MAP2: variants seen among roughly 807,000 people sequenced by gnomAD.
MAP2 encodes microtubule associated protein 2.
Under a neutral mutation model 137.6 loss-of-function variants are expected in MAP2, and 14 were observed. The ratio of observed to expected loss-of-function variants is 0.10; its 90% CI spans 0.07 to 0.16. MAP2 has a LOEUF of 0.16. MAP2 is among the 10% of genes least tolerant of loss of function. The probability of loss-of-function intolerance (pLI) is 1.00; values close to 1 mark genes in which losing one functional copy is unlikely to be tolerated. For synonymous variants in MAP2, 786 were observed against 782.3 expected, an observed-to-expected ratio of 1.00 and a Z score of -0.08; for missense variants, 2,088 against 2,191.5, an observed-to-expected ratio of 0.95 and a Z score of 0.94.
At chr2:209,468,167 G>A (rs946995418) in intron 1 of MAP2, among the ~76,000 whole-genome samples, 5 of 151,320 alleles carry the variant, frequency 3.3e-5, no homozygotes, top group African/African-American at 7.3e-5. Context: ...CTTTCATCTC[G>A]GTAGTTGACT....
chr2:209,449,087 A>G (rs1319253064), intron 1 of MAP2, among the ~76,000 whole-genome samples: 1 of 152,184 alleles, frequency 6.6e-6, no homozygotes, highest in Non-Finnish European at 1.5e-5. Context: ...GACTTCGCAC[A>G]TGATTTTTTT....
chr2:209,445,611 G>A (rs553830563), intron 1 of MAP2, among the ~76,000 whole-genome samples: 2 of 151,736 alleles, frequency 1.3e-5, no homozygotes, highest in Non-Finnish European at 3.0e-5. Context: ...TGTATTAAGA[G>A]TAAGATGTCA....
intron 2 of MAP2, among the ~76,000 whole-genome samples, chr2:209,546,241 T>C (rs1416765145): frequency 6.6e-6 from 1 of 152,260 alleles, no homozygotes; most frequent in Non-Finnish European, 1.5e-5. Context: ...TGTTTTTATA[T>C]ATACACATAT....
chr2:209,635,688 T>C (rs754997816), intron 4 of MAP2, among the ~76,000 whole-genome samples: 12 of 152,134 alleles, frequency 7.9e-5, no homozygotes, highest in Non-Finnish European at 1.8e-4. Flanking sequence ...GCTAAAAAAA[T>C]TCTATAATTG....
chr2:209,453,426 A>G (rs1176956341), intron 1 of MAP2, among the ~76,000 whole-genome samples: 13 of 152,236 alleles, frequency 8.5e-5, no homozygotes, highest in Admixed American at 8.5e-4. Flanking sequence ...ATAAAATATC[A>G]GATTCTACCC....
At position 209,694,358 on chromosome 2, in the gene MAP2, G is replaced by A. The variant is rs201346969; in HGVS notation, c.2188G>A (p.Asp730Asn). 98 of 1,613,864 alleles carry A rather than the reference G, an allele frequency of 6.1e-5. No individual in the cohort carries two copies. The highest frequency in any genetic ancestry group is 7.8e-5 in the Non-Finnish European group (92 of 1,179,980). Residue 730 changes from aspartate to asparagine, a missense_variant, in exon 8 of 16, where the codon GAT (aspartate) becomes AAT (asparagine). Coordinates refer to ENST00000682079, the MANE Select transcript of MAP2 (RefSeq NM_001375505.1). ...ACATGATCTTTCTCCTCTGGCTTCC[G>A]ATATTCTAACCAACACTAGTGGAAG... ...RGHDLSPLAS[D>N]ILTNTSGSMD...
Position 209,694,248 on chromosome 2 carries a change from C to T in MAP2, c.2078C>T (p.Ser693Phe). ...AGGAGTTTAGGACTTGGTGGTAGGT[C>T]TGCAATAGAACAAAGAAGCATGTCA... Reference protein sequence around the residue: ...LSRSLGLGGRSAIEQRSMSIN... With the variant: ...LSRSLGLGGRFAIEQRSMSIN... Residue 693 changes from serine to phenylalanine, a missense_variant, in exon 8 of 16, where the codon TCT (serine) becomes TTT (phenylalanine). By Grantham distance (155) the Ser-to-Phe change is radical. This residue lies in a region of MAP2 where 18 missense variants were observed against 41.6 expected (regional missense o/e 0.43). Coordinates refer to ENST00000682079, the MANE Select transcript of MAP2 (RefSeq NM_001375505.1). 2 of 1,614,030 alleles carry T rather than the reference C, an allele frequency of 1.2e-6. No individual in the cohort carries two copies. Among genetic ancestry groups the T allele is most frequent in the Non-Finnish European group, 1.7e-6 (2 of 1,179,972 alleles).
At chr2:209,470,269 C>A (rs1221763926) in intron 1 of MAP2, among the ~76,000 whole-genome samples, 1 of 152,152 alleles carries the variant, frequency 6.6e-6, no homozygotes, top group East Asian at 1.9e-4. Context: ...TGTACATGCA[C>A]AGTGCCCCTT....
At chr2:209,489,940 A>G (rs569958119) in intron 1 of MAP2, among the ~76,000 whole-genome samples, 1 of 152,302 alleles carries the variant, frequency 6.6e-6, no homozygotes, top group South Asian at 2.1e-4. Flanking sequence ...AAATACAAAG[A>G]ACACTGCAGA....
intron 7 of MAP2, among the ~76,000 whole-genome samples, chr2:209,682,175 T>G (rs2054876843): frequency 1.3e-5 from 2 of 152,098 alleles, no homozygotes; most frequent in South Asian, 4.1e-4. Context: ...AAATTCTGAG[T>G]ATATACTAGT....
At chr2:209,604,788 A>T (rs959116634) in intron 3 of MAP2, among the ~76,000 whole-genome samples, 5 of 152,220 alleles carry the variant, frequency 3.3e-5, no homozygotes, top group Non-Finnish European at 7.3e-5. Flanking sequence ...ACTGATAATT[A>T]TAGTTTGCCA....
chr2:209,700,821 AT>A (rs1406742363), intron 11 of MAP2, among the ~76,000 whole-genome samples: 3 of 152,006 alleles, frequency 2.0e-5, no homozygotes, highest in Non-Finnish European at 2.9e-5. Context: ...TAAAATCCTA[AT>A]TTTTTTCTAT....
chr2:209,729,676 G>A (rs578153099), intron 14 of MAP2, among the ~76,000 whole-genome samples, 174 bp from the exon 15 acceptor site: 106 of 152,282 alleles, frequency 7.0e-4, no homozygotes, highest in Non-Finnish European at 9.6e-4. Flanking sequence ...TGCATCATAT[G>A]AGGAAATGAT....
intron 6 of MAP2, among the ~76,000 whole-genome samples, chr2:209,680,115 T>C (rs896120593): frequency 6.6e-5 from 10 of 152,182 alleles, no homozygotes; most frequent in African/African-American, 2.2e-4. Flanking sequence ...CCTTTTCATG[T>C]GTATTGATTG....
intron 4 of MAP2, among the ~76,000 whole-genome samples, chr2:209,636,270 A>C (rs1462666085): frequency 6.6e-6 from 1 of 152,146 alleles, no homozygotes; most frequent in Non-Finnish European, 1.5e-5. Context: ...ACAGAGCTCT[A>C]GGAAAGATCC....
At chr2:209,646,782 T>TTTGTTGTTGTTGTTG (rs564612081) in intron 4 of MAP2, among the ~76,000 whole-genome samples, 16 of 151,956 alleles carry the variant, frequency 1.1e-4, no homozygotes, top group African/African-American at 3.6e-4. Context: ...TCTTCATTCT[T>TTTGTTGTTGTTGTTG]TTGTTGTTGT....
In MAP2 at chr2:209,660,105, C is replaced by G. The variant is rs564774827; in HGVS notation, c.262+6673C>G. ...ATCAAAGGCCAGTATCAGCAATCCC[C>G]TTGGGTAAATGTAAAGATTAAAAGG... On this transcript the variant is annotated intron_variant, in intron 5 of 15. Coordinates refer to ENST00000682079, the MANE Select transcript of MAP2 (RefSeq NM_001375505.1). 2.0e-5 allele frequency among the ~76,000 whole-genome samples: 3 copies of G among 152,222 alleles called. No individual in the cohort carries two copies. The East Asian group carries it at 5.8e-4, about 30-fold the overall frequency.
chr2:209,686,193 C>A (rs1437747962), intron 7 of MAP2, among the ~76,000 whole-genome samples: 1 of 152,164 alleles, frequency 6.6e-6, no homozygotes, highest in Non-Finnish European at 1.5e-5. Flanking sequence ...CTAAGAATAT[C>A]AAACGTTATT....
chr2:209,634,455 G>A (rs1176478028), intron 4 of MAP2, among the ~76,000 whole-genome samples: 1 of 152,084 alleles, frequency 6.6e-6, no homozygotes, highest in East Asian at 1.9e-4. Flanking sequence ...GTGTGGCTTT[G>A]CTTTGTCATT....
Sources: gnomAD v4.1 joint callset for allele counts (sites outside exome capture counted in the v4.1 genomes callset) on GRCh38, gnomAD v4.1.1 for gene constraint, gnomAD v4.1.1 regional missense constraint, MANE v1.5 for transcripts, NCBI Gene and HGNC (gene_info 2026-07-23, HGNC 2026-07-21) for gene names.